The following PCDH9 variants were observed in gnomAD, a reference collection of about 807,000 sequenced individuals.
PCDH9 encodes protocadherin 9, also known as protocadherin-9.
Under a neutral mutation model 70.6 loss-of-function variants are expected in PCDH9, and 24 were observed. The ratio of observed to expected loss-of-function variants is 0.34; its 90% CI spans 0.25 to 0.48. The LOEUF is 0.48. Among genes scored for constraint, PCDH9 ranks in the 20% least tolerant of loss-of-function variants. PCDH9 has a pLI of 0.99. For missense variants in PCDH9, 1,281 were observed against 1,503.6 expected (o/e 0.85, Z 2.45); for synonymous variants, 562 against 558.5 (o/e 1.01, Z -0.09).
intron 2 of PCDH9, among the ~76,000 whole-genome samples, chr13:66,968,370 T>C (rs117617891): frequency 0.021 from 3,171 of 152,094 alleles, 32 homozygotes; most frequent in Non-Finnish European, 0.031. Flanking sequence ...ATACTTCTAT[T>C]AAAGATGCCC....
intron 4 of PCDH9, among the ~76,000 whole-genome samples, chr13:66,563,861 T>C (rs2076612659): frequency 6.6e-6 from 1 of 152,154 alleles, no homozygotes; most frequent in Non-Finnish European, 1.5e-5. Flanking sequence ...TGAAACATAT[T>C]ACCCAGTTTT....
chr13:66,744,369 C>T (rs539228068), intron 3 of PCDH9, among the ~76,000 whole-genome samples: 4 of 152,222 alleles, frequency 2.6e-5, no homozygotes, highest in Admixed American at 2.6e-4. Context: ...CAGGTAGACT[C>T]TAAAGCATGA....
At chr13:67,044,448 T>G (rs939254723) in intron 2 of PCDH9, among the ~76,000 whole-genome samples, 3 of 152,132 alleles carry the variant, frequency 2.0e-5, no homozygotes, top group Non-Finnish European at 1.5e-5. Context: ...AAGTATTCAT[T>G]GCATTTCCTA....
At chr13:67,179,780 T>C (rs1359204916) in intron 2 of PCDH9, among the ~76,000 whole-genome samples, 3 of 152,098 alleles carry the variant, frequency 2.0e-5, no homozygotes, top group Non-Finnish European at 1.5e-5. Context: ...GGCTACACCA[T>C]TTTTCTGTTC....
intron 4 of PCDH9, among the ~76,000 whole-genome samples, chr13:66,572,632 T>C (rs1228827296): frequency 1.3e-5 from 2 of 152,220 alleles, no homozygotes; most frequent in East Asian, 1.9e-4. Flanking sequence ...CTTAGGTTGA[T>C]TGTGTATCTT....
intron 3 of PCDH9, among the ~76,000 whole-genome samples, chr13:66,792,585 C>T (rs540719848): frequency 1.1e-3 from 172 of 152,266 alleles, no homozygotes; most frequent in African/African-American, 3.9e-3. Context: ...AGGAGAATCA[C>T]CCGGACCCAG....
At chr13:66,416,528 G>A (rs1255411869) in intron 4 of PCDH9, among the ~76,000 whole-genome samples, 2 of 152,118 alleles carry the variant, frequency 1.3e-5, no homozygotes, top group East Asian at 1.9e-4. Context: ...AAGATAGGAT[G>A]TTATTTTCAG....
At chr13:66,365,064 T>C (rs554447050) in intron 4 of PCDH9, among the ~76,000 whole-genome samples, 1 of 152,322 alleles carries the variant, frequency 6.6e-6, no homozygotes, top group East Asian at 1.9e-4. Context: ...ACTTCTCTTT[T>C]CATAAAAGAA....
chr13:66,436,485 G>A (rs908532756), intron 4 of PCDH9, among the ~76,000 whole-genome samples: 5 of 152,036 alleles, frequency 3.3e-5, no homozygotes, highest in African/African-American at 1.2e-4. Context: ...TCTTTGTAGG[G>A]TTGGAGATTC....
intron 2 of PCDH9, among the ~76,000 whole-genome samples, chr13:67,019,534 C>T (rs9540972): frequency 0.39 from 59,757 of 151,838 alleles, 12,353 homozygotes; most frequent in East Asian, 0.65. Context: ...CAAAAATCTA[C>T]ATATCCTACA....
intron 2 of PCDH9, among the ~76,000 whole-genome samples, chr13:67,005,696 A>T (rs1332930139): frequency 6.6e-6 from 1 of 152,236 alleles, no homozygotes; most frequent in Non-Finnish European, 1.5e-5. Flanking sequence ...TAATATGCTT[A>T]TTTCTAATTT....
At chr13:67,047,681 G>T (rs955608003) in intron 2 of PCDH9, among the ~76,000 whole-genome samples, 2 of 152,152 alleles carry the variant, frequency 1.3e-5, no homozygotes, top group African/African-American at 4.8e-5. Context: ...TAGTTAAAAT[G>T]TACTCTATCA....
At chr13:66,919,561 T>C (rs1259028011) in intron 2 of PCDH9, among the ~76,000 whole-genome samples, 2 of 151,276 alleles carry the variant, frequency 1.3e-5, no homozygotes, top group Non-Finnish European at 3.0e-5. Context: ...CACATTACAT[T>C]GCCATTCATA....
intron 4 of PCDH9, among the ~76,000 whole-genome samples, chr13:66,591,473 CA>C (rs907543986): frequency 1.1e-3 from 131 of 124,468 alleles, no homozygotes; most frequent in African/African-American, 2.5e-3. Flanking sequence ...AAAAAAAAAA[CA>C]AAAAAAAAAG....
intron 4 of PCDH9, among the ~76,000 whole-genome samples, chr13:66,512,815 TTTTTG>T (rs749756361): frequency 3.9e-5 from 6 of 152,182 alleles, no homozygotes; most frequent in East Asian, 1.9e-4. Flanking sequence ...TTTCTTTCTT[TTTTTG>T]TTTTGTTTTG....
intron 3 of PCDH9, among the ~76,000 whole-genome samples, chr13:66,670,897 G>C (rs2078164852): frequency 7.6e-6 from 1 of 131,946 alleles, no homozygotes; most frequent in Non-Finnish European, 1.6e-5. Context: ...TATCTAACAT[G>C]ACTGTGTTCT....
chr13:66,780,795 A>T (rs1441798646), intron 3 of PCDH9, among the ~76,000 whole-genome samples: 1 of 152,196 alleles, frequency 6.6e-6, no homozygotes, highest in Admixed American at 6.5e-5. Flanking sequence ...TACTTAGCTC[A>T]GTGCTTTATC....
chr13:66,844,199 C>T (rs960488191), intron 3 of PCDH9, among the ~76,000 whole-genome samples: 1 of 151,798 alleles, frequency 6.6e-6, no homozygotes. Context: ...TATTCAACAC[C>T]ATAAAAAAGA....
intron 3 of PCDH9, among the ~76,000 whole-genome samples, chr13:66,643,142 T>G (rs529474012): frequency 6.6e-6 from 1 of 152,152 alleles, no homozygotes; most frequent in African/African-American, 2.4e-5. Context: ...TGGGAAGTTT[T>G]AATAAACATT....
Sources: allele counts gnomAD v4.1 joint callset (sites outside exome capture counted in the v4.1 genomes callset), GRCh38; gene constraint gnomAD v4.1.1; transcripts MANE v1.5; gene names NCBI Gene and HGNC (gene_info 2026-07-23, HGNC 2026-07-21).